SLC13A3: variants seen among roughly 807,000 people sequenced by gnomAD.
SLC13A3 encodes solute carrier family 13 member 3, also known as Na(+)/dicarboxylate cotransporter 3.
In SLC13A3, 40 loss-of-function variants were observed where a neutral mutation model predicts 59.0. That is an observed-to-expected ratio of 0.68 (90% confidence interval 0.53 to 0.88). The LOEUF is 0.88. SLC13A3 is among the 40% of genes least tolerant of loss of function. The pLI, the probability that SLC13A3 is intolerant of heterozygous loss-of-function variation, is 0.00. For missense variants in SLC13A3, 699 were observed against 783.2 expected, an observed-to-expected ratio of 0.89 and a Z score of 1.28; for synonymous variants, 317 against 330.3, an observed-to-expected ratio of 0.96 and a Z score of 0.44.
chr20:46,584,602 G>A (rs1480577397), intron 8 of SLC13A3: 1 of 623,872 alleles, frequency 1.6e-6, no homozygotes, highest in Non-Finnish European at 2.0e-6. Flanking sequence ...AACACTAATG[G>A]TATACCATTC....
intron 1 of SLC13A3, among the ~76,000 whole-genome samples, chr20:46,627,704 G>A (rs2062689657): frequency 6.6e-6 from 1 of 152,060 alleles, no homozygotes; most frequent in Admixed American, 6.5e-5. Flanking sequence ...ATTTGAATTG[G>A]TAGAAGGATG....
upstream of SLC13A3, among the ~76,000 whole-genome samples, chr20:46,655,100 TTC>T (rs2062974591): frequency 6.6e-6 from 1 of 152,136 alleles, no homozygotes; most frequent in South Asian, 2.1e-4. Flanking sequence ...TTTCCAAGAT[TTC>T]TTTTTTTTGT....
At chr20:46,576,263 CA>C (rs1248130038) in intron 9 of SLC13A3, among the ~76,000 whole-genome samples, 2 of 152,130 alleles carry the variant, frequency 1.3e-5, no homozygotes, top group Non-Finnish European at 2.9e-5. Flanking sequence ...AGCATGAAAA[CA>C]GCCAGAGACC....
intron 9 of SLC13A3, chr20:46,583,347 A>G: frequency 8.1e-7 from 1 of 1,229,790 alleles, no homozygotes; most frequent in Non-Finnish European, 1.0e-6. Context: ...TCAAAAACAG[A>G]TAGCAGGCTG....
At chr20:46,603,771 A>C (rs1600546811) in intron 3 of SLC13A3, among the ~76,000 whole-genome samples, 1 of 151,898 alleles carries the variant, frequency 6.6e-6, no homozygotes, top group Admixed American at 6.6e-5. Flanking sequence ...AAATATGAAA[A>C]CTATTCTTAG....
intron 4 of SLC13A3, among the ~76,000 whole-genome samples, chr20:46,598,748 T>C (rs555608202): frequency 6.6e-6 from 1 of 152,226 alleles, no homozygotes; most frequent in Non-Finnish European, 1.5e-5. Context: ...ATCAAGGTTA[T>C]ATCTATGGCT....
chr20:46,634,757 G>A (rs1228869462), intron 1 of SLC13A3, among the ~76,000 whole-genome samples: 4 of 152,174 alleles, frequency 2.6e-5, no homozygotes, highest in Non-Finnish European at 4.4e-5. Flanking sequence ...GAGGAGGGTA[G>A]AACACGTTGT....
intron 1 of SLC13A3, among the ~76,000 whole-genome samples, chr20:46,649,296 A>G (rs1184086874): frequency 5.3e-5 from 8 of 152,176 alleles, no homozygotes; most frequent in African/African-American, 1.7e-4. Flanking sequence ...AGATAGGAAG[A>G]GGATCCTTTG....
chr20:46,622,019 T>C (rs550093000), intron 1 of SLC13A3, among the ~76,000 whole-genome samples: 3 of 152,184 alleles, frequency 2.0e-5, no homozygotes, highest in Non-Finnish European at 4.4e-5. Flanking sequence ...GGTTCATCCA[T>C]TCAAAATGAT....
In SLC13A3 at chr20:46,626,097, T is replaced by TTCTCTCTCTC. The variant is rs74176872; in HGVS notation, c.112-12382_112-12373dup. ...TGCAAAGGTTGCTGTCAAAGCTGTA[T>TTCTCTCTCTC]TCTCTCTCTCTCTCTCTCTCTCTCT... On this transcript the variant is annotated intron_variant, in intron 1 of 12. Coordinates refer to ENST00000279027, the MANE Select transcript of SLC13A3 (RefSeq NM_022829.6). 3.9e-3 allele frequency among the ~76,000 whole-genome samples: 574 copies of TTCTCTCTCTC among 145,884 alleles called. 8 individuals are homozygous for TTCTCTCTCTC. The highest frequency in any genetic ancestry group is 0.011 in the Middle Eastern group (3 of 278).
Position 46,610,143 on chromosome 20 carries a change from A to G in SLC13A3, c.541+303T>C, listed in dbSNP as rs145638845. On this transcript the variant is annotated intron_variant, in intron 3 of 12. Coordinates refer to ENST00000279027, the MANE Select transcript of SLC13A3 (RefSeq NM_022829.6). ...TGAGCATCTCTTTGAATGCTGTAAAACAAGGTTTAATTATAGTACTTACTT... is the reference window on the plus strand; with the variant it reads ...TGAGCATCTCTTTGAATGCTGTAAAGCAAGGTTTAATTATAGTACTTACTT... Among the ~76,000 whole-genome samples the G allele has an allele frequency of 4.3e-4, 66 of 152,350 alleles. No individual in the cohort carries two copies. In the East Asian group the frequency reaches 0.011, roughly 25 times the overall value.
In SLC13A3 at chr20:46,589,199, G is replaced by T. The variant is rs1263177521; in HGVS notation, c.977C>A (p.Ala326Asp). The T allele has an allele frequency of 6.2e-7, 1 of 1,614,196 alleles. No individual in the cohort carries two copies. The highest frequency in any genetic ancestry group is 2.2e-5 in the East Asian group (1 of 44,878). The change falls in exon 7 of 13, where the codon GCT becomes GAT. Residue 326 changes from alanine (A) to aspartate (D), a missense_variant. Ala to Asp is a moderately radical substitution (Grantham distance 126). Coordinates refer to ENST00000279027, the MANE Select transcript of SLC13A3 (RefSeq NM_022829.6). The part of the protein sequence containing the change: ...IRTNAEDRAR[A>D]VIREEYQNLG... The stretch of plus-strand genomic sequence containing the variant: ...GTTCTGGTATTCTTCCCGAATTACA[G>T]CTCGAGCCCTATCTTCTGCATTGGT...
chr20:46,631,440 A>G (rs1344246656), intron 1 of SLC13A3, among the ~76,000 whole-genome samples: 1 of 152,178 alleles, frequency 6.6e-6, no homozygotes, highest in Non-Finnish European at 1.5e-5. Context: ...AGTTAAGGCC[A>G]TGCTTTCTCT....
chr20:46,675,181 G>A (rs2063117064), intron 1 of SLC13A3, among the ~76,000 whole-genome samples: 2 of 150,482 alleles, frequency 1.3e-5, no homozygotes, highest in Non-Finnish European at 3.0e-5. Flanking sequence ...AATGGGGAGT[G>A]TTGGGGTTGG....
At chr20:46,610,713 G>A (rs1309393348) in intron 2 of SLC13A3, 104 bp from the exon 3 acceptor site, 2 of 959,852 alleles carry the variant, frequency 2.1e-6, no homozygotes, top group East Asian at 2.5e-5. Flanking sequence ...CCATTTTACA[G>A]ATGGAAACTT....
intron 1 of SLC13A3, among the ~76,000 whole-genome samples, chr20:46,677,317 A>G (rs934738391): frequency 4.6e-5 from 7 of 152,342 alleles, no homozygotes; most frequent in African/African-American, 1.4e-4. Flanking sequence ...CATAACCAGC[A>G]TCAAGCTCAA....
chr20:46,603,233 G>A lies in SLC13A3; in HGVS notation c.542-3196C>T, dbSNP rs941754968. ...TAAAAGCAAGGATCAACAAACTTCT[G>A]TAAAAAGCCAGATAGTAAACATTTT... On this transcript the variant is annotated intron_variant, in intron 3 of 12. Coordinates refer to ENST00000279027, the MANE Select transcript of SLC13A3 (RefSeq NM_022829.6). 5.3e-5 allele frequency among the ~76,000 whole-genome samples: 8 copies of A among 152,080 alleles called. No individual in the cohort carries two copies. The East Asian group carries it at 1.5e-3, about 29-fold the overall frequency.
chr20:46,619,722 G>A (rs750915153), intron 1 of SLC13A3, among the ~76,000 whole-genome samples: 1 of 152,070 alleles, frequency 6.6e-6, no homozygotes, highest in Non-Finnish European at 1.5e-5. Flanking sequence ...CTTTTGCCAG[G>A]AACATTCTTC....
chr20:46,613,805 G>C, intron 1 of SLC13A3, 80 bp from the exon 2 acceptor site: 1 of 1,309,130 alleles, frequency 7.6e-7, no homozygotes, highest in Non-Finnish European at 1.0e-6. Flanking sequence ...CAGGGCAGAG[G>C]GGGAAGGAGG....
Sources: allele counts gnomAD v4.1 joint callset (sites outside exome capture counted in the v4.1 genomes callset), GRCh38; gene constraint gnomAD v4.1.1; transcripts MANE v1.5; gene names NCBI Gene and HGNC (gene_info 2026-07-23, HGNC 2026-07-21).